The following RYR1 variants were observed in gnomAD, a reference collection of about 807,000 sequenced individuals.
RYR1 encodes central core disease of muscle.
RYR1 carries 342 observed loss-of-function variants against 583.5 expected under a neutral mutation model. The observed-to-expected ratio is 0.59, with a 90% CI of 0.54 to 0.64. RYR1 has a LOEUF of 0.64. RYR1 is among the 30% of genes least tolerant of loss of function. The probability of loss-of-function intolerance (pLI) is 0.00; values close to 1 mark genes in which losing one functional copy is unlikely to be tolerated. For missense variants in RYR1, 6,032 were observed against 6,917.2 expected (o/e 0.87, Z 4.54); for synonymous variants, 2,791 against 2,822.5 (o/e 0.99, Z 0.35).
At chr19:38,457,953 C>A in intron 17 of RYR1, 98 bp from the exon 18 acceptor site, 1 of 1,265,472 alleles carries the variant, frequency 7.9e-7, no homozygotes, top group South Asian at 1.2e-5. Context: ...ATCTCTCTCT[C>A]TCTGTCTTTG....
intron 29 of RYR1, 130 bp from the exon 30 acceptor site, chr19:38,477,580 A>T: frequency 9.6e-7 from 1 of 1,037,536 alleles, no homozygotes; most frequent in Non-Finnish European, 1.5e-6. Context: ...GGGGTGGGGG[A>T]CTCAGATCCA....
At chr19:38,505,277 TC>T (rs1404535314) in intron 52 of RYR1, 31 bp from the exon 53 acceptor site, 1 of 1,491,918 alleles carries the variant, frequency 6.7e-7, no homozygotes, top group Non-Finnish European at 9.3e-7. Flanking sequence ...AACTGCTGCC[TC>T]CCCCTCACCC....
intron 23 of RYR1, 46 bp from the exon 24 acceptor site, chr19:38,466,045 A>T: frequency 6.4e-7 from 1 of 1,559,726 alleles, no homozygotes; most frequent in South Asian, 1.2e-5. Flanking sequence ...AGAGCCCGGA[A>T]GTGGAGGTGA....
At chr19:38,527,471 C>T in intron 72 of RYR1, 176 bp from the exon 73 acceptor site, 1 of 790,404 alleles carries the variant, frequency 1.3e-6, no homozygotes, top group South Asian at 1.7e-5. Flanking sequence ...GATCGCACCA[C>T]TGCACTCCAG....
intron 97 of RYR1, among the ~76,000 whole-genome samples, chr19:38,576,476 GA>G (rs1428315936): frequency 1.3e-5 from 2 of 151,786 alleles, no homozygotes; most frequent in East Asian, 3.9e-4. Context: ...CAAAAAATAA[GA>G]AAGCATAGCA....
rs540083191 is a variant in RYR1, at chr19:38,451,838, C to A, written c.1197C>A (p.Ala399=). The A allele has an allele frequency of 6.2e-7, 1 of 1,614,120 alleles. No homozygotes were observed. Among genetic ancestry groups the A allele is most frequent in the East Asian group, 2.2e-5 (1 of 44,870 alleles). ...GCTGCCAGCAGGAGGAGTCCCAGGC[C>A]GCCCGCATGATCCACAGCACCAATG... ...LTRCQQEESQ[A]ARMIHSTNGL... The change falls in exon 12 of 106, where the codon GCC becomes GCA. Residue 399 remains alanine (A), a synonymous_variant. Coordinates refer to ENST00000359596, the MANE Select transcript of RYR1 (RefSeq NM_000540.3).
At chr19:38,575,334 G>A (rs1347471594) in intron 96 of RYR1, among the ~76,000 whole-genome samples, 6 of 152,160 alleles carry the variant, frequency 3.9e-5, no homozygotes, top group Non-Finnish European at 8.8e-5. Flanking sequence ...AAAGATGGCA[G>A]TGGGGTCCCC....
chr19:38,473,813 T>C, intron 28 of RYR1, 42 bp downstream of exon 28: 1 of 1,429,846 alleles, frequency 7.0e-7, no homozygotes, highest in Non-Finnish European at 9.3e-7. Context: ...GGGGCTGCCT[T>C]GGGACCCCCA....
rs193922762 is a variant in RYR1 at position 38,448,673 on chromosome 19, C to T, written c.982C>T (p.Arg328Trp). 13 of 1,614,088 alleles carry T rather than the reference C, an allele frequency of 8.1e-6. No homozygotes were observed. Among genetic ancestry groups the T allele is most frequent in the South Asian group, 2.2e-5 (2 of 91,086 alleles). The change falls in exon 11 of 106, where the codon CGG (arginine) becomes TGG (tryptophan). Residue 328 changes from arginine to tryptophan, a missense_variant. By Grantham distance (101) the Arg-to-Trp change is moderately radical. Transcript: ENST00000359596. The stretch of plus-strand genomic sequence containing the variant: ...GGAGAAGCTGGATGTGGCCCCCAAG[C>T]GGGATGTGGAGGGCATGGGCCCCCC... ...SKEKLDVAPK[R>W]DVEGMGPPEI... is the part of the protein sequence containing the mutation.
rs1468154816 is a variant in RYR1, at chr19:38,442,468, T to G, written c.270+15T>G. On this transcript the variant is annotated intron_variant, in intron 3 of 105. Coordinates refer to ENST00000359596, the MANE Select transcript of RYR1 (RefSeq NM_000540.3). ...CTGGCGTGGAGGTGAGGACCCCACC[T>G]GGGGGTGGGCGGGGTGGCAGAGATG... The G allele has an allele frequency of 3.1e-6, 5 of 1,591,704 alleles. No homozygotes were observed. The highest frequency in any genetic ancestry group is 1.7e-5 in the Admixed American group (1 of 59,880).
rs73044999 is a variant in RYR1 at position 38,464,573 on chromosome 19, G to A, written c.2787-66G>A. On this transcript the variant is annotated intron_variant, in intron 22 of 105. Transcript: ENST00000359596. ...AGAGGGAGCTGGAGACCCTGAGGCC[G>A]TGGGAGGAGACGGGGCAGGGAGCTC... 24,030 of 1,391,450 alleles carry A rather than the reference G, an allele frequency of 0.017. 314 individuals are homozygous for A. The highest frequency in any genetic ancestry group is 0.045 in the South Asian group (3,604 of 80,846). The allele number at this position is 1,391,450 out of a possible 1,614,324, so 86.2% of individuals were successfully genotyped here.
chr19:38,538,096 G>A, intron 84 of RYR1, 136 bp downstream of exon 84: 1 of 826,446 alleles, frequency 1.2e-6, no homozygotes, highest in South Asian at 1.5e-5. Flanking sequence ...AATCCACCTA[G>A]CTTTCAAAAT....
chr19:38,549,778 T>C (rs1303884705), intron 89 of RYR1, among the ~76,000 whole-genome samples: 1 of 135,912 alleles, frequency 7.4e-6, no homozygotes. Flanking sequence ...CAATCTCAGC[T>C]CAGTGCAACC....
rs184782764 is a variant in RYR1 at position 38,465,665 on chromosome 19, G to A, written c.2871-426G>A. Among the ~76,000 whole-genome samples the A allele has an allele frequency of 2.6e-3, 393 of 152,216 alleles. 3 individuals carry two copies. Among genetic ancestry groups the A allele is most frequent in the African/African-American group, 9.2e-3 (380 of 41,524 alleles). On this transcript the variant is annotated intron_variant, in intron 23 of 105. Transcript: ENST00000359596. ...TGTAATCCCTGCTACTCCGGAGGCT[G>A]AGGCAGGAGAATCACTTGAACCCAG...
chr19:38,441,895 C>T (rs1972704829), intron 2 of RYR1, among the ~76,000 whole-genome samples: 2 of 150,970 alleles, frequency 1.3e-5, no homozygotes, highest in African/African-American at 4.9e-5. Context: ...AAGGCAGGAG[C>T]GAGGACTGTG....
chr19:38,500,111 C>T lies in RYR1; in HGVS notation c.7323+95C>T. On this transcript the variant is annotated intron_variant, in intron 45 of 105. Coordinates refer to ENST00000359596, the MANE Select transcript of RYR1 (RefSeq NM_000540.3). The surrounding 1 kb of genome is among the most constrained non-coding windows in gnomAD (Gnocchi z 5.9). ...CACTCGGTGACACGGAGTGAGCTCC[C>T]ATATGTGGGTGGTCCTGGACTAGCA... The T allele has an allele frequency of 1.8e-6, 2 of 1,092,638 alleles. No homozygotes were observed. The highest frequency in any genetic ancestry group is 2.7e-6 in the Non-Finnish European group (2 of 729,084). The allele number at this position is 1,092,638 out of a possible 1,614,324, so 67.7% of individuals were successfully genotyped here.
At chr19:38,568,600 AAATT>A (rs1223288996) in intron 93 of RYR1, among the ~76,000 whole-genome samples, 1 of 151,550 alleles carries the variant, frequency 6.6e-6, no homozygotes, top group Non-Finnish European at 1.5e-5. Flanking sequence ...AAAAAAAAAA[AAATT>A]AGCCAGCCAT....
chr19:38,585,772 C>T (rs893890183), intron 102 of RYR1, among the ~76,000 whole-genome samples, 166 bp from the exon 103 acceptor site: 8 of 151,950 alleles, frequency 5.3e-5, no homozygotes, highest in African/African-American at 1.5e-4. Context: ...CGTGAGCCAC[C>T]GCACCCGGCC....
intron 71 of RYR1, 94 bp downstream of exon 71, chr19:38,525,596 A>G (rs1971433896): frequency 7.3e-7 from 1 of 1,369,094 alleles, no homozygotes; most frequent in Non-Finnish European, 1.0e-6. Context: ...AATGCCACTG[A>G]GCCCCCCAGG....
Sources: gnomAD v4.1 joint callset for allele counts (sites outside exome capture counted in the v4.1 genomes callset) on GRCh38, gnomAD v4.1.1 for gene constraint, Gnocchi (gnomAD v3.1) non-coding constraint, MANE v1.5 for transcripts, NCBI Gene and HGNC (gene_info 2026-07-23, HGNC 2026-07-21) for gene names.